The following DISP1 variants were observed in gnomAD, a reference collection of about 807,000 sequenced individuals.
DISP1 encodes dispatched RND transporter family member 1, also known as protein dispatched homolog 1.
A neutral mutation model predicts 37.3 loss-of-function variants in DISP1; 30 were observed. That is an observed-to-expected ratio of 0.80 (90% CI 0.60 to 1.09). The LOEUF is 1.09. Ranked by LOEUF, DISP1 falls within the 50% of genes least tolerant of loss-of-function variation. The pLI is 0.00. For synonymous variants in DISP1, 634 were observed against 690.2 expected (o/e 0.92, Z 1.28); for missense variants, 1,598 against 1,879.5 (o/e 0.85, Z 2.77).
intron 1 of DISP1, among the ~76,000 whole-genome samples, chr1:222,829,748 T>C: frequency 6.6e-6 from 1 of 152,300 alleles, no homozygotes; most frequent in East Asian, 1.9e-4. Flanking sequence ...AGCCAAGAAA[T>C]AGAAAATAAC....
chr1:222,903,651 G>A (rs1456127907), intron 1 of DISP1, among the ~76,000 whole-genome samples: 1 of 152,110 alleles, frequency 6.6e-6, no homozygotes, highest in African/African-American at 2.4e-5. Context: ...AAGAGCTCAT[G>A]TTTTTTAAGC....
chr1:222,963,095 C>T (rs563420880), intron 3 of DISP1, among the ~76,000 whole-genome samples: 1 of 152,024 alleles, frequency 6.6e-6, no homozygotes, highest in Non-Finnish European at 1.5e-5. Context: ...AAAAAACAAC[C>T]CCATCAAAAT....
At chr1:222,983,872 A>G (rs988781706) in intron 4 of DISP1, among the ~76,000 whole-genome samples, 3 of 152,074 alleles carry the variant, frequency 2.0e-5, no homozygotes, top group African/African-American at 4.8e-5. Flanking sequence ...AAGAGTTCCT[A>G]AAAAAAGCGT....
intron 3 of DISP1, among the ~76,000 whole-genome samples, chr1:222,969,236 A>C (rs1177365393): frequency 4.0e-5 from 6 of 151,388 alleles, no homozygotes; most frequent in Non-Finnish European, 4.4e-5. Flanking sequence ...CAGGCGCAGT[A>C]GTGCATACCT....
intron 1 of DISP1, among the ~76,000 whole-genome samples, chr1:222,927,284 A>G (rs1431677372): frequency 6.6e-6 from 1 of 152,078 alleles, no homozygotes; most frequent in Non-Finnish European, 1.5e-5. Flanking sequence ...TTCGATTTGT[A>G]TTTCCCTAAA....
chr1:222,906,128 C>T (rs777569417), intron 1 of DISP1, among the ~76,000 whole-genome samples: 120 of 152,112 alleles, frequency 7.9e-4, no homozygotes, highest in Non-Finnish European at 1.5e-3. Context: ...TTTTTAAAAA[C>T]CTGCCACTTG....
intron 3 of DISP1, among the ~76,000 whole-genome samples, chr1:222,961,093 AG>A (rs201796189): frequency 0.018 from 2,674 of 152,344 alleles, 32 homozygotes; most frequent in Non-Finnish European, 0.03. Flanking sequence ...ACAGAAAAAG[AG>A]GGATTCCTCC....
In DISP1 at chr1:222,893,365, T is replaced by C. The variant is rs1671043005; in HGVS notation, c.-158-35065T>C. Among the ~76,000 whole-genome samples the C allele has an allele frequency of 6.6e-6, 1 of 152,356 alleles. No individual in the cohort carries two copies. Among genetic ancestry groups the C allele is most frequent in the South Asian group, 2.1e-4 (1 of 4,832 alleles). ...AACCTCTGTAGCTGGCGGAGCCTTC[T>C]TCCTGAGCACTGCTTGTGCCTGCTG... is the stretch of plus-strand genomic sequence containing the variant. On this transcript the variant is annotated intron_variant, in intron 1 of 8. Coordinates refer to ENST00000675850, the MANE Select transcript of DISP1 (RefSeq NM_001377229.1). The surrounding 1 kb of genome is among the most constrained non-coding windows in gnomAD (Gnocchi z 4.3).
At chr1:222,828,768 C>G (rs921622340) in intron 1 of DISP1, among the ~76,000 whole-genome samples, 3 of 152,138 alleles carry the variant, frequency 2.0e-5, no homozygotes, top group Admixed American at 6.5e-5. Flanking sequence ...TAGACTTGTA[C>G]TTTTTAAAAA....
intron 1 of DISP1, among the ~76,000 whole-genome samples, chr1:222,925,052 A>G (rs1474085997): frequency 2.0e-5 from 3 of 152,184 alleles, no homozygotes; most frequent in Non-Finnish European, 4.4e-5. Flanking sequence ...TTCACTCTGA[A>G]TAATATATTG....
At chr1:222,934,081 C>A (rs929295219) in intron 2 of DISP1, among the ~76,000 whole-genome samples, 2 of 151,910 alleles carry the variant, frequency 1.3e-5, no homozygotes, top group Admixed American at 6.6e-5. Context: ...TGGGAAATAT[C>A]GAATTCATAG....
chr1:222,818,083 A>G (rs1370887182), intron 1 of DISP1, among the ~76,000 whole-genome samples: 1 of 151,974 alleles, frequency 6.6e-6, no homozygotes, highest in Non-Finnish European at 1.5e-5. Flanking sequence ...TGTTGTTATT[A>G]TTAGTTTTGT....
At chr1:222,832,328 A>G (rs1010835863) in intron 1 of DISP1, among the ~76,000 whole-genome samples, 1 of 152,150 alleles carries the variant, frequency 6.6e-6, no homozygotes, top group African/African-American at 2.4e-5. Flanking sequence ...TAACCCTTTC[A>G]GATAGGTCTA....
intron 3 of DISP1, among the ~76,000 whole-genome samples, chr1:222,944,547 C>T (rs1188930337): frequency 6.6e-6 from 1 of 152,154 alleles, no homozygotes; most frequent in East Asian, 1.9e-4. Flanking sequence ...TCAGTGTTGA[C>T]AAACGTATAC....
rs192583784 is a variant in DISP1, at chr1:222,913,827, G to T, written c.-158-14603G>T. 3.3e-5 allele frequency among the ~76,000 whole-genome samples: 5 copies of T among 151,976 alleles called. No homozygotes were observed. In the East Asian group the frequency reaches 9.6e-4, roughly 29 times the overall value. The stretch of plus-strand genomic sequence containing the variant: ...TTGCAATAGCTTTTATAAAATTTGA[G>T]ATTCAAACTCCTTGTTTGATACACT... On this transcript the variant is annotated intron_variant, in intron 1 of 8. Coordinates refer to ENST00000675850, the MANE Select transcript of DISP1 (RefSeq NM_001377229.1).
At chr1:222,822,469 C>A (rs1663180568) in intron 1 of DISP1, among the ~76,000 whole-genome samples, 1 of 152,164 alleles carries the variant, frequency 6.6e-6, no homozygotes, top group Admixed American at 6.5e-5. Context: ...TTTAGCAAAG[C>A]TTGACAGAGG....
intron 3 of DISP1, among the ~76,000 whole-genome samples, chr1:222,960,383 T>C (rs576792184): frequency 1.0e-3 from 158 of 152,188 alleles, no homozygotes; most frequent in African/African-American, 3.1e-3. Context: ...TGGGTAATAA[T>C]GAAATTAAGG....
At chr1:223,002,353 T>G (rs1679518790) in intron 8 of DISP1, 32 bp from the exon 9 acceptor site, 1 of 1,594,550 alleles carries the variant, frequency 6.3e-7, no homozygotes, top group Admixed American at 1.7e-5. Flanking sequence ...CAATTTAAAC[T>G]GTAGTCCTTC....
Position 222,872,277 on chromosome 1 carries a change from G to A in DISP1, c.-158-56153G>A, listed in dbSNP as rs865846351. 2.6e-4 allele frequency: 39 copies of A among 152,156 alleles called. 1 individual carries two copies. The highest frequency in any genetic ancestry group is 9.4e-4 in the African/African-American group (39 of 41,432). The allele number at this position is 152,156 out of a possible 1,614,324, so 9.4% of individuals were successfully genotyped here. A position where few individuals can be genotyped will look rare whatever the true frequency, so the allele number is the denominator to read the frequency against. On this transcript the variant is annotated intron_variant, in intron 1 of 8. Transcript: ENST00000675850. Reference sequence around the variant, plus strand: ...TTTGTTGTGTCTCTGCCAGGCTTTGGTATCAGGATGATGCTGGCCTCATAA... The same window carrying A: ...TTTGTTGTGTCTCTGCCAGGCTTTGATATCAGGATGATGCTGGCCTCATAA...
Sources: allele counts gnomAD v4.1 joint callset (sites outside exome capture counted in the v4.1 genomes callset), GRCh38; gene constraint gnomAD v4.1.1; non-coding constraint Gnocchi (gnomAD v3.1); transcripts MANE v1.5; gene names NCBI Gene and HGNC (gene_info 2026-07-23, HGNC 2026-07-21).